The following PTPRG variants were observed in gnomAD, a reference collection of about 807,000 sequenced individuals.
The protein encoded by PTPRG is receptor-type tyrosine-protein phosphatase gamma.
Under a neutral mutation model 165.3 loss-of-function variants are expected in PTPRG, and 102 were observed. The observed-to-expected ratio is 0.62, with a 90% CI of 0.53 to 0.73. The LOEUF (loss-of-function observed/expected upper bound fraction) is 0.73, where lower values mean the gene tolerates loss of function less well. Ranked by LOEUF, PTPRG falls within the 30% of genes least tolerant of loss-of-function variation. The pLI, the probability that PTPRG is intolerant of heterozygous loss-of-function variation, is 0.00. For synonymous variants in PTPRG, 675 were observed against 669.5 expected (o/e 1.01, Z -0.13); for missense variants, 1,866 against 1,861.4 (o/e 1.00, Z -0.05).
chr3:61,571,674 T>C (rs1700060306), intron 1 of PTPRG, among the ~76,000 whole-genome samples: 1 of 152,208 alleles, frequency 6.6e-6, no homozygotes, highest in African/African-American at 2.4e-5. Context: ...ATTACCTAAA[T>C]TGATTTGCTT....
intron 6 of PTPRG, among the ~76,000 whole-genome samples, chr3:62,147,969 C>T (rs927340524): frequency 4.6e-5 from 7 of 152,058 alleles, no homozygotes; most frequent in African/African-American, 1.7e-4. Context: ...CATGGTGAAA[C>T]CCCGTCTCTA....
Position 61,671,393 on chromosome 3 carries a change from C to T in PTPRG, c.86-77485C>T, listed in dbSNP as rs149158287. The stretch of plus-strand genomic sequence containing the variant: ...CTGTTTAACAAAGCACATCTTGCAC[C>T]GCCCTTAATCCATTCAACCCTGAGT... On this transcript the variant is annotated intron_variant, in intron 1 of 29. Transcript: ENST00000474889. 3.3e-4 allele frequency among the ~76,000 whole-genome samples: 50 copies of T among 151,854 alleles called. No homozygotes were observed. In the East Asian group the frequency reaches 9.0e-3, roughly 27 times the overall value.
At chr3:61,813,327 T>TA (rs757811011) in intron 2 of PTPRG, among the ~76,000 whole-genome samples, 8,699 of 87,162 alleles carry the variant, frequency 0.1, 378 homozygotes, top group East Asian at 0.19. Flanking sequence ...CCATGATTAC[T>TA]AAAAAAAAAA....
rs1703071488 is a variant in PTPRG at position 62,296,645 on chromosome 3, C to G, written c.*3338C>G. 1 of 150,828 alleles carries G rather than the reference C, an allele frequency of 6.6e-6. No homozygotes were observed. The highest frequency in any genetic ancestry group is 2.4e-5 in the African/African-American group (1 of 41,042). The allele number at this position is 150,828 out of a possible 1,614,324, so 9.3% of individuals were successfully genotyped here. On this transcript the variant is annotated 3_prime_UTR_variant, in exon 30 of 30. Transcript: ENST00000474889. ...TGAATTTTTATATGAAGGGAAAATG[C>G]CTGCTTTTTTTTTTTTTTTAACAGA...
At chr3:61,753,963 A>T (rs669339) in intron 2 of PTPRG, among the ~76,000 whole-genome samples, 6 of 151,932 alleles carry the variant, frequency 3.9e-5, no homozygotes, top group South Asian at 2.1e-4. Context: ...AACAGGTGGT[A>T]GTTTCTTCCC....
chr3:62,065,126 A>C (rs1700968515), intron 4 of PTPRG, among the ~76,000 whole-genome samples: 1 of 152,110 alleles, frequency 6.6e-6, no homozygotes, highest in Non-Finnish European at 1.5e-5. Flanking sequence ...GGTATAGGAA[A>C]ATTGGTATTC....
intron 5 of PTPRG, among the ~76,000 whole-genome samples, chr3:62,110,089 C>CTTTTTTTTTTT (rs371457716): frequency 3.8e-5 from 3 of 79,962 alleles, no homozygotes; most frequent in Non-Finnish European, 6.9e-5. Context: ...GAAATAATGG[C>CTTTTTTTTTTT]TTTTTTTTTT....
chr3:61,584,976 C>T (rs984735949), intron 1 of PTPRG, among the ~76,000 whole-genome samples: 5 of 152,088 alleles, frequency 3.3e-5, no homozygotes, highest in African/African-American at 1.2e-4. Context: ...AGCAAATGTT[C>T]GTTACAGAAA....
intron 8 of PTPRG, among the ~76,000 whole-genome samples, chr3:62,181,627 G>A (rs963308065): frequency 5.6e-4 from 86 of 152,216 alleles, no homozygotes; most frequent in African/African-American, 1.7e-3. Flanking sequence ...TGCTAGATGG[G>A]TTTAACCATT....
intron 2 of PTPRG, among the ~76,000 whole-genome samples, chr3:61,858,432 A>G (rs13096099): frequency 0.13 from 20,251 of 152,258 alleles, 2,424 homozygotes; most frequent in African/African-American, 0.32. Flanking sequence ...AAAAATGAGC[A>G]TAAATTTGCC....
At chr3:61,724,929 C>G (rs1056022532) in intron 1 of PTPRG, among the ~76,000 whole-genome samples, 1 of 152,052 alleles carries the variant, frequency 6.6e-6, no homozygotes, top group African/African-American at 2.4e-5. Context: ...AGAGCCTGTT[C>G]CCACGTCCTC....
chr3:61,649,558 A>G (rs1347075434), intron 1 of PTPRG, among the ~76,000 whole-genome samples: 1 of 152,236 alleles, frequency 6.6e-6, no homozygotes, highest in Admixed American at 6.5e-5. Flanking sequence ...CTCATTAACA[A>G]GGGAGGAGCC....
intron 2 of PTPRG, among the ~76,000 whole-genome samples, chr3:61,834,074 C>T (rs756255852): frequency 5.3e-5 from 8 of 152,160 alleles, no homozygotes; most frequent in Admixed American, 2.6e-4. Flanking sequence ...GTAAACATAA[C>T]GGATTGCTTA....
At chr3:62,076,202 G>A (rs1030588753) in intron 4 of PTPRG, among the ~76,000 whole-genome samples, 1 of 151,982 alleles carries the variant, frequency 6.6e-6, no homozygotes, top group African/African-American at 2.4e-5. Context: ...TGGGAGGATC[G>A]CTTGAGTCCA....
intron 4 of PTPRG, among the ~76,000 whole-genome samples, chr3:62,013,349 A>G (rs972891214): frequency 1.3e-5 from 2 of 152,196 alleles, no homozygotes; most frequent in Non-Finnish European, 2.9e-5. Context: ...AAACTACATG[A>G]GAGACTAACA....
intron 4 of PTPRG, among the ~76,000 whole-genome samples, chr3:62,068,970 C>T (rs1023198757): frequency 3.9e-5 from 6 of 152,188 alleles, no homozygotes; most frequent in Non-Finnish European, 5.9e-5. Flanking sequence ...CAAAGATACC[C>T]GCTACCTACT....
intron 5 of PTPRG, 33 bp downstream of exon 5, chr3:62,078,291 ATTCT>A (rs781452026): frequency 5.6e-6 from 8 of 1,434,818 alleles, no homozygotes; most frequent in Non-Finnish European, 7.7e-6. Flanking sequence ...ACTTCAAAGA[ATTCT>A]TTGAGTATTT....
chr3:62,035,403 G>A (rs1040743367), intron 4 of PTPRG, among the ~76,000 whole-genome samples: 3 of 152,128 alleles, frequency 2.0e-5, no homozygotes, highest in Non-Finnish European at 2.9e-5. Flanking sequence ...ATAATCTTCC[G>A]GGACATTTCA....
chr3:62,044,838 G>C (rs1700239480), intron 4 of PTPRG, among the ~76,000 whole-genome samples: 1 of 151,858 alleles, frequency 6.6e-6, no homozygotes, highest in African/African-American at 2.4e-5. Context: ...TATTTACTTT[G>C]TCCTGTATGT....
Sources: gnomAD v4.1 joint callset for allele counts (sites outside exome capture counted in the v4.1 genomes callset) on GRCh38, gnomAD v4.1.1 for gene constraint, MANE v1.5 for transcripts, NCBI Gene and HGNC (gene_info 2026-07-23, HGNC 2026-07-21) for gene names.